TMIGD2: variants seen among roughly 807,000 people sequenced by gnomAD.
TMIGD2 encodes the protein transmembrane and immunoglobulin domain containing 2, also known as transmembrane and immunoglobulin domain-containing protein 2.
In TMIGD2, 18 loss-of-function variants were observed where a neutral mutation model predicts 22.6. The observed-to-expected ratio is 0.80, with a 90% confidence interval of 0.55 to 1.18. The LOEUF is 1.18. TMIGD2 is among the 50% of genes most tolerant of loss of function. TMIGD2 has a pLI of 0.00. For missense variants in TMIGD2, 361 were observed against 378.2 expected, an observed-to-expected ratio of 0.95 and a Z score of 0.38; for synonymous variants, 184 against 154.1, an observed-to-expected ratio of 1.19 and a Z score of -1.44.
rs1332534002 is a variant in TMIGD2, at chr19:4,298,274, C to T, written c.118G>A (p.Ala40Thr). Residue 40 changes from alanine (A) to threonine (T), a missense_variant, in exon 2 of 5, where the codon GCG becomes ACG. By Grantham distance (58) the Ala-to-Thr change is moderately conservative (BLOSUM62 0). Coordinates refer to ENST00000301272, the Ensembl canonical transcript of TMIGD2. ...TGGTCCACCTGGCAGACCAGGGTCG[C>T]CTGACTGCCCTGCCTCACCTGCAGC... is the stretch of plus-strand genomic sequence containing the variant. 9 of 1,610,018 alleles carry T rather than the reference C, an allele frequency of 5.6e-6. No homozygotes were observed. In the Admixed American group the frequency reaches 1.3e-4, roughly 24 times the overall value.
intron 4 of TMIGD2, among the ~76,000 whole-genome samples, chr19:4,294,307 G>A (rs1410591944): frequency 2.7e-5 from 4 of 149,932 alleles, no homozygotes; most frequent in South Asian, 2.1e-4. Flanking sequence ...CGCCCACCTC[G>A]GCCTCCCAAA....
intron 1 of TMIGD2, among the ~76,000 whole-genome samples, chr19:4,301,211 G>C (rs1971532216): frequency 6.6e-6 from 1 of 152,140 alleles, no homozygotes; most frequent in Non-Finnish European, 1.5e-5. Flanking sequence ...GACCTCAAGT[G>C]ATCCACCTGC....
At chr19:4,295,662 T>C (rs930598099) in intron 2 of TMIGD2, among the ~76,000 whole-genome samples, 1 of 152,156 alleles carries the variant, frequency 6.6e-6, no homozygotes, top group Non-Finnish European at 1.5e-5. Flanking sequence ...ATCTTTATCC[T>C]GGGATCTATC....
exon 2 of TMIGD2, chr19:4,298,068 C>T (rs367652326): frequency 8.2e-5 from 132 of 1,613,654 alleles, no homozygotes; most frequent in Non-Finnish European, 1.0e-4. Context: ...ACACGTACGC[C>T]CCGCTGTGGT....
intron 1 of TMIGD2, among the ~76,000 whole-genome samples, chr19:4,298,888 C>T (rs1377889067): frequency 2.6e-5 from 4 of 152,176 alleles, no homozygotes; most frequent in African/African-American, 7.2e-5. Flanking sequence ...CAGTACTCAG[C>T]TACACAAATA....
In TMIGD2 at chr19:4,294,656, A is replaced by AC. The variant is rs1971436417; in HGVS notation, c.472dup (p.Val158GlyfsTer28). The AC allele has an allele frequency of 6.3e-7, 1 of 1,594,228 alleles. No homozygotes were observed. The highest frequency in any genetic ancestry group is 1.4e-5 in the African/African-American group (1 of 74,066). On this transcript the variant is annotated frameshift_variant, in exon 4 of 5. Coordinates refer to ENST00000301272, the Ensembl canonical transcript of TMIGD2. LOFTEE classifies it high-confidence loss of function. ...GATCGCAGCCACACCCATGCTTCCC[A>AC]CCCCCAGCAGCACGAAGAGGAATCC...
At chr19:4,293,450 T>C (rs1227697273) in intron 4 of TMIGD2, among the ~76,000 whole-genome samples, 4 of 146,350 alleles carry the variant, frequency 2.7e-5, no homozygotes, top group African/African-American at 5.2e-5. Context: ...TTAGCAGAGA[T>C]GGGGTTTCAC....
exon 5 of TMIGD2, chr19:4,292,798 C>T (rs574674268): frequency 1.2e-6 from 2 of 1,613,340 alleles, no homozygotes; most frequent in South Asian, 2.2e-5. Flanking sequence ...GCTCTGGCCC[C>T]TCTGGTCCTT....
chr19:4,295,235 T>C (rs1365689419), intron 2 of TMIGD2, among the ~76,000 whole-genome samples: 2 of 125,620 alleles, frequency 1.6e-5, no homozygotes, highest in African/African-American at 6.6e-5. Context: ...CGCTCCAGCC[T>C]GGGTGACAGA....
chr19:4,292,904 A>G lies in TMIGD2; in HGVS notation c.563-19T>C. 6.2e-7 allele frequency: 1 copy of G among 1,612,368 alleles called. No homozygotes were observed. The highest frequency in any genetic ancestry group is 8.5e-7 in the Non-Finnish European group (1 of 1,179,754). On this transcript the variant is annotated intron_variant, in intron 4 of 4. Transcript: ENST00000301272. ...GCATTTCCTAGGATGGATGACACAG[A>G]CCAAGAGGATCACTTAAGAGAGTCC...
intron 4 of TMIGD2, among the ~76,000 whole-genome samples, chr19:4,293,196 C>T (rs1054726355): frequency 2.0e-5 from 3 of 151,378 alleles, no homozygotes; most frequent in South Asian, 2.1e-4. Flanking sequence ...CTCCTGACCT[C>T]GTGATCCACC....
chr19:4,299,396 T>TA (rs1297956301), intron 1 of TMIGD2, among the ~76,000 whole-genome samples: 1 of 151,842 alleles, frequency 6.6e-6, no homozygotes, highest in African/African-American at 2.4e-5. Context: ...TCCTCCCCGC[T>TA]AACGCCTCCC....
chr19:4,294,610 C>G, exon 4 of TMIGD2: 1 of 1,610,722 alleles, frequency 6.2e-7, no homozygotes, highest in Non-Finnish European at 8.5e-7. Context: ...TGCGGCGGCC[C>G]CAGAACCAGG....
intron 1 of TMIGD2, among the ~76,000 whole-genome samples, chr19:4,300,871 G>C (rs1009042154): frequency 3.3e-5 from 5 of 152,206 alleles, no homozygotes; most frequent in Non-Finnish European, 7.3e-5. Flanking sequence ...GCCTTGGGGT[G>C]GTGTGGGGAG....
chr19:4,294,954 TTTC>T (rs1390958731), intron 2 of TMIGD2, 138 bp from the exon 3 acceptor site: 3 of 842,908 alleles, frequency 3.6e-6, no homozygotes, highest in Admixed American at 7.6e-5. Flanking sequence ...TGAACCTCTG[TTTC>T]TTCTTCTGAA....
chr19:4,297,622 T>C (rs1476245283), intron 2 of TMIGD2, among the ~76,000 whole-genome samples: 1 of 152,164 alleles, frequency 6.6e-6, no homozygotes, highest in Non-Finnish European at 1.5e-5. Flanking sequence ...TTTGGGAGGC[T>C]GAGGCAGGCA....
chr19:4,298,553 T>C (rs1188983647), intron 1 of TMIGD2, among the ~76,000 whole-genome samples: 1 of 151,984 alleles, frequency 6.6e-6, no homozygotes, highest in African/African-American at 2.4e-5. Context: ...CCTGGGAACA[T>C]AGCAAGACCT....
At chr19:4,299,889 GAA>G (rs1218156066) in intron 1 of TMIGD2, among the ~76,000 whole-genome samples, 1 of 150,158 alleles carries the variant, frequency 6.7e-6, no homozygotes, top group African/African-American at 2.4e-5. Flanking sequence ...CCATAGCAAA[GAA>G]AAAAAGACTC....
chr19:4,301,838 A>G (rs532713830), intron 1 of TMIGD2, among the ~76,000 whole-genome samples: 1 of 152,286 alleles, frequency 6.6e-6, no homozygotes, highest in Admixed American at 6.5e-5. Context: ...CTGCTGCCGG[A>G]GTAGAAAGTC....
Sources: gnomAD v4.1 joint callset for allele counts (sites outside exome capture counted in the v4.1 genomes callset) on GRCh38, gnomAD v4.1.1 for gene constraint, MANE v1.5 for transcripts, NCBI Gene and HGNC (gene_info 2026-07-23, HGNC 2026-07-21) for gene names.